Variants in MED19 observed in about 807,000 individuals in gnomAD.
MED19 encodes mediator of RNA polymerase II transcription subunit 19.
MED19 carries 4 observed loss-of-function variants against 19.9 expected under a neutral mutation model. The ratio of observed to expected loss-of-function variants is 0.20; its 90% confidence interval spans 0.10 to 0.46. The LOEUF (loss-of-function observed/expected upper bound fraction) is 0.46, where lower values mean the gene tolerates loss of function less well. MED19 is among the 20% of genes least tolerant of loss of function. The probability of loss-of-function intolerance (pLI) is 0.99; values close to 1 mark genes in which losing one functional copy is unlikely to be tolerated. For synonymous variants in MED19, 139 were observed against 119.6 expected, an observed-to-expected ratio of 1.16 and a Z score of -1.06; for missense variants, 303 against 318.7, an observed-to-expected ratio of 0.95 and a Z score of 0.38.
At chr11:57,707,765 C>CT (rs2135417121) in intron 1 of MED19, among the ~76,000 whole-genome samples, 1 of 152,342 alleles carries the variant, frequency 6.6e-6, no homozygotes, top group African/African-American at 2.4e-5. Flanking sequence ...AGAAGGCAGT[C>CT]TGTGCTTTTT....
chr11:57,704,825 C>T lies in MED19; in HGVS notation c.475-10G>A. On this transcript the variant is annotated splice_polypyrimidine_tract_variant and intron_variant, in intron 2 of 4. Coordinates refer to ENST00000431606, the Ensembl canonical transcript of MED19. ...GACACTGCTCCGGCAACTGAAGGAA[C>T]CAAAGGAAGGTCCAGGTGAGTAGAG... The T allele has an allele frequency of 6.2e-7, 1 of 1,613,424 alleles. No individual in the cohort carries two copies. The highest frequency in any genetic ancestry group is 8.5e-7 in the Non-Finnish European group (1 of 1,179,942).
chr11:57,708,357 C>T (rs1272343254), intron 1 of MED19, among the ~76,000 whole-genome samples: 4 of 152,122 alleles, frequency 2.6e-5, no homozygotes, highest in African/African-American at 9.7e-5. Context: ...AGCTTTGGGG[C>T]CTCATCAACC....
intron 1 of MED19, among the ~76,000 whole-genome samples, chr11:57,711,108 T>G (rs778132647): frequency 6.6e-6 from 1 of 152,252 alleles, no homozygotes; most frequent in Non-Finnish European, 1.5e-5. Flanking sequence ...ATCTTGTCAG[T>G]CTTGTTCACA....
intron 1 of MED19, among the ~76,000 whole-genome samples, chr11:57,707,273 A>T (rs567124828): frequency 2.4e-4 from 37 of 152,144 alleles, no homozygotes; most frequent in African/African-American, 8.7e-4. Flanking sequence ...ATTCTTTTTT[A>T]AAAAATATAC....
At chr11:57,712,031 G>C (rs1243568134) in exon 1 of MED19, 3 of 1,535,614 alleles carry the variant, frequency 2.0e-6, no homozygotes, top group African/African-American at 2.8e-5. Context: ...AGGAGGAGCC[G>C]TGGCCGCGGT....
intron 3 of MED19, 35 bp from the exon 4 acceptor site, chr11:57,704,431 G>A: frequency 6.6e-7 from 1 of 1,525,658 alleles, no homozygotes; most frequent in Non-Finnish European, 8.8e-7. Flanking sequence ...CACCTGTAAA[G>A]CTCAAAATCC....
chr11:57,704,153 G>A (rs1222759214), intron 4 of MED19, 47 bp from the exon 5 acceptor site: 1 of 1,535,682 alleles, frequency 6.5e-7, no homozygotes, highest in South Asian at 1.2e-5. Context: ...ACTAGCCTTG[G>A]CTTTGATCAG....
At chr11:57,704,470 A>G in intron 3 of MED19, 74 bp from the exon 4 acceptor site, 1 of 1,542,990 alleles carries the variant, frequency 6.5e-7, no homozygotes, top group Non-Finnish European at 8.7e-7. Context: ...TGAAGACTAC[A>G]GGAAAATCCC....
rs370190866 is a variant in MED19 at position 57,709,126 on chromosome 11, A to G, written c.217+2837T>C. On this transcript the variant is annotated intron_variant, in intron 1 of 4. Transcript: ENST00000431606. ...GCTGGGCGCAGTGGCTCACGCCTGT[A>G]ATCCTGGCACTCTGGGAGGCCAAGG... is the stretch of plus-strand genomic sequence containing the variant. Among the ~76,000 whole-genome samples, 19 of 152,348 alleles carry G rather than the reference A, an allele frequency of 1.2e-4. 1 individual carries two copies. The East Asian group carries it at 3.5e-3, about 28-fold the overall frequency.
At chr11:57,705,008 T>C in exon 2 of MED19, 1 of 1,614,074 alleles carries the variant, frequency 6.2e-7, no homozygotes, top group Non-Finnish European at 8.5e-7. Flanking sequence ...GCCAGCATGG[T>C]CCCTGTGATA....
exon 2 of MED19, chr11:57,705,189 G>C: frequency 6.2e-7 from 1 of 1,614,186 alleles, no homozygotes; most frequent in Non-Finnish European, 8.5e-7. Flanking sequence ...CCAAGTTGTA[G>C]TGTGTGATCA....
At chr11:57,712,022 G>C (rs1039881267) in exon 1 of MED19, 2 of 1,536,044 alleles carry the variant, frequency 1.3e-6, no homozygotes, top group Middle Eastern at 1.9e-4. Flanking sequence ...GTCCGCGCCA[G>C]GAGGAGCCGT....
At chr11:57,703,875 T>A in exon 5 of MED19, 1 of 1,087,580 alleles carries the variant, frequency 9.2e-7, no homozygotes, top group Non-Finnish European at 1.2e-6. Context: ...CATGTCCCTC[T>A]CTCTCCTAAT....
chr11:57,706,765 CAAA>C (rs569527923), intron 1 of MED19, among the ~76,000 whole-genome samples: 2 of 151,964 alleles, frequency 1.3e-5, no homozygotes, highest in Non-Finnish European at 2.9e-5. Flanking sequence ...ACAACAAAAA[CAAA>C]AAAACAAGTC....
chr11:57,703,871 C>T, exon 5 of MED19: 1 of 1,036,668 alleles, frequency 9.6e-7, no homozygotes, highest in Non-Finnish European at 1.3e-6. Context: ...AAAGCATGTC[C>T]CTCTCTCTCC....
At chr11:57,705,278 C>A (rs1323909114) in intron 1 of MED19, 49 bp from the exon 2 acceptor site, 2 of 1,592,056 alleles carry the variant, frequency 1.3e-6, no homozygotes, top group Admixed American at 3.4e-5. Flanking sequence ...CAAAGTAGAC[C>A]CAGGGAGTGA....
At chr11:57,708,920 A>G (rs1180473275) in intron 1 of MED19, among the ~76,000 whole-genome samples, 3 of 152,228 alleles carry the variant, frequency 2.0e-5, no homozygotes, top group Non-Finnish European at 4.4e-5. Flanking sequence ...AGTTTTTTCA[A>G]TTATAAAATG....
At chr11:57,703,854 G>C (rs896222638) in exon 5 of MED19, 3 of 860,554 alleles carry the variant, frequency 3.5e-6, no homozygotes, top group Non-Finnish European at 4.9e-6. Flanking sequence ...ACTGGGATGA[G>C]CCTACAAAAG....
At position 57,710,456 on chromosome 11, in the gene MED19, T is replaced by G. The variant is rs1375333739; in HGVS notation, c.217+1507A>C. Among the ~76,000 whole-genome samples the G allele has an allele frequency of 2.0e-5, 3 of 151,928 alleles. No homozygotes were observed. The East Asian group carries it at 5.8e-4, about 29-fold the overall frequency. ...CCTCTGCCTAACTCTCCCAGCTTCATCTCTCTCCCTAACACTCTTTCCTTT... is the reference window on the plus strand; with the variant it reads ...CCTCTGCCTAACTCTCCCAGCTTCAGCTCTCTCCCTAACACTCTTTCCTTT... On this transcript the variant is annotated intron_variant, in intron 1 of 4. Transcript: ENST00000431606.
Sources: gnomAD v4.1 joint callset for allele counts (sites outside exome capture counted in the v4.1 genomes callset) on GRCh38, gnomAD v4.1.1 for gene constraint, MANE v1.5 for transcripts, NCBI Gene and HGNC (gene_info 2026-07-23, HGNC 2026-07-21) for gene names.